Variants in TMEM132B observed in about 807,000 individuals in gnomAD.
TMEM132B encodes the protein transmembrane protein 132B.
A neutral mutation model predicts 90.8 loss-of-function variants in TMEM132B; 18 were observed. The ratio of observed to expected loss-of-function variants is 0.20; its 90% CI spans 0.14 to 0.29. The LOEUF (loss-of-function observed/expected upper bound fraction) is 0.29. Among genes scored for constraint, TMEM132B ranks in the 10% least tolerant of loss-of-function variants. The probability of loss-of-function intolerance (pLI) is 1.00; values close to 1 mark genes in which losing one functional copy is unlikely to be tolerated. For missense variants in TMEM132B, 1,096 were observed against 1,326.8 expected, an observed-to-expected ratio of 0.83 and a Z score of 2.70; for synonymous variants, 504 against 523.3, an observed-to-expected ratio of 0.96 and a Z score of 0.50.
At chr12:125,271,576 C>T (rs1272500805) in intron 1 of TMEM132B, among the ~76,000 whole-genome samples, 1 of 135,268 alleles carries the variant, frequency 7.4e-6, no homozygotes, top group Non-Finnish European at 1.5e-5. Context: ...CTTGGCTTAT[C>T]CTGAGCTATG....
chr12:125,399,485 G>GTGTGTA (rs1566023235), intron 2 of TMEM132B, among the ~76,000 whole-genome samples: 5 of 119,720 alleles, frequency 4.2e-5, no homozygotes, highest in African/African-American at 1.8e-4. Flanking sequence ...GTGTGTGTAT[G>GTGTGTA]TGTGTGTGTG....
intron 2 of TMEM132B, among the ~76,000 whole-genome samples, chr12:125,380,002 T>C (rs1040156555): frequency 7.9e-5 from 12 of 152,238 alleles, no homozygotes; most frequent in Admixed American, 6.5e-5. Flanking sequence ...AAGGAGAGAA[T>C]ACTGTGGTGC....
chr12:125,626,321 T>A (rs1176574783), intron 5 of TMEM132B, among the ~76,000 whole-genome samples: 4 of 152,220 alleles, frequency 2.6e-5, no homozygotes, highest in Admixed American at 6.5e-5. Context: ...AAGTCTTGGC[T>A]ACTGTGAACA....
At chr12:125,555,249 A>C (rs1049985519) in intron 4 of TMEM132B, among the ~76,000 whole-genome samples, 1 of 152,140 alleles carries the variant, frequency 6.6e-6, no homozygotes, top group Non-Finnish European at 1.5e-5. Flanking sequence ...ACCTTGCAAA[A>C]TGAGGGCTGC....
At chr12:125,497,465 G>A (rs534500099) in intron 3 of TMEM132B, among the ~76,000 whole-genome samples, 2 of 152,282 alleles carry the variant, frequency 1.3e-5, no homozygotes, top group African/African-American at 2.4e-5. Flanking sequence ...GGCTTCCAAG[G>A]TTCCATACTT....
intron 1 of TMEM132B, among the ~76,000 whole-genome samples, chr12:125,315,897 G>A (rs1282855012): frequency 1.3e-5 from 2 of 152,168 alleles, no homozygotes; most frequent in African/African-American, 4.8e-5. Context: ...GGAGGTGGTT[G>A]TAATGGAGGT....
At chr12:125,191,513 C>T (rs922126307) in intron 1 of TMEM132B, among the ~76,000 whole-genome samples, 3 of 152,164 alleles carry the variant, frequency 2.0e-5, no homozygotes, top group African/African-American at 7.2e-5. Context: ...TAGCCTTGTG[C>T]GGAATGGTGT....
chr12:125,625,510 T>C (rs1390230854), intron 5 of TMEM132B, among the ~76,000 whole-genome samples: 3 of 152,236 alleles, frequency 2.0e-5, no homozygotes, highest in Non-Finnish European at 4.4e-5. Context: ...GGTTTCTTTT[T>C]ATTGCTGTGT....
chr12:125,296,507 A>G (rs78198705), intron 1 of TMEM132B, among the ~76,000 whole-genome samples: 4,354 of 152,196 alleles, frequency 0.029, 221 homozygotes, highest in African/African-American at 0.1. Flanking sequence ...TGACCTGCCA[A>G]TTGGGCACCA....
rs528747590 is a variant in TMEM132B, at chr12:125,305,442, G to A, written c.68-44010G>A. Among the ~76,000 whole-genome samples, 95 of 149,752 alleles carry A rather than the reference G, an allele frequency of 6.3e-4. 1 individual carries two copies. Among genetic ancestry groups the A allele is most frequent in the African/African-American group, 2.1e-3 (85 of 41,114 alleles). On this transcript the variant is annotated intron_variant, in intron 1 of 8. Transcript: ENST00000682704. ...AGCCACATGTCCAAAGCCCAGGGTAGGGGGGGGAAGGCTGTCTGTTAAAAG... is the reference window on the plus strand; with the variant it reads ...AGCCACATGTCCAAAGCCCAGGGTAAGGGGGGGAAGGCTGTCTGTTAAAAG...
chr12:125,586,938 A>C (rs1885192050), intron 5 of TMEM132B: 1 of 152,224 alleles, frequency 6.6e-6, no homozygotes, highest in South Asian at 2.1e-4. Flanking sequence ...TGATGAAGGA[A>C]AAAACATTCA....
At chr12:125,369,271 C>T (rs1878224882) in intron 2 of TMEM132B, among the ~76,000 whole-genome samples, 1 of 152,320 alleles carries the variant, frequency 6.6e-6, no homozygotes, top group African/African-American at 2.4e-5. Context: ...TAGTCTATCA[C>T]TGATGAACAT....
At chr12:125,544,197 G>T (rs747589098) in intron 4 of TMEM132B, among the ~76,000 whole-genome samples, 1 of 152,130 alleles carries the variant, frequency 6.6e-6, no homozygotes, top group Non-Finnish European at 1.5e-5. Flanking sequence ...GTTGCAGGAG[G>T]GTGGTGGGTA....
At chr12:125,354,912 G>T (rs559261976) in intron 2 of TMEM132B, among the ~76,000 whole-genome samples, 2 of 152,210 alleles carry the variant, frequency 1.3e-5, no homozygotes, top group South Asian at 4.2e-4. Flanking sequence ...CAGCATACAA[G>T]GTAAGTACTA....
At chr12:125,488,632 G>A (rs560440492) in intron 3 of TMEM132B, among the ~76,000 whole-genome samples, 1 of 152,262 alleles carries the variant, frequency 6.6e-6, no homozygotes, top group Non-Finnish European at 1.5e-5. Flanking sequence ...TGATTGTGAG[G>A]CCTCCCCAGC....
chr12:125,199,651 T>C (rs546689505), intron 1 of TMEM132B, among the ~76,000 whole-genome samples: 1 of 152,326 alleles, frequency 6.6e-6, no homozygotes, highest in East Asian at 1.9e-4. Context: ...TGAAGTTATG[T>C]AGCCCAGGAC....
At chr12:125,255,570 A>G (rs889285275) in intron 1 of TMEM132B, among the ~76,000 whole-genome samples, 15 of 152,168 alleles carry the variant, frequency 9.9e-5, no homozygotes, top group Admixed American at 6.5e-5. Flanking sequence ...ACCATATTAA[A>G]GGATCTTTTC....
At chr12:125,489,204 T>C (rs1291409057) in intron 3 of TMEM132B, among the ~76,000 whole-genome samples, 1 of 152,202 alleles carries the variant, frequency 6.6e-6, no homozygotes, top group Non-Finnish European at 1.5e-5. Context: ...ATTCAGAGAA[T>C]TAAGATAGTT....
At chr12:125,637,014 C>G (rs899244829) in intron 5 of TMEM132B, among the ~76,000 whole-genome samples, 2 of 152,210 alleles carry the variant, frequency 1.3e-5, no homozygotes, top group African/African-American at 4.8e-5. Flanking sequence ...TCCAGGGAAG[C>G]AAATGCTTAA....
Sources: gnomAD v4.1 joint callset for allele counts (sites outside exome capture counted in the v4.1 genomes callset) on GRCh38, gnomAD v4.1.1 for gene constraint, MANE v1.5 for transcripts, NCBI Gene and HGNC (gene_info 2026-07-23, HGNC 2026-07-21) for gene names.